Variants in SMYD3 observed in about 807,000 individuals in gnomAD.
The protein encoded by SMYD3 is SET and MYND domain containing 3.
Under a neutral mutation model 57.7 loss-of-function variants are expected in SMYD3, and 36 were observed. That is an observed-to-expected ratio of 0.62 (90% confidence interval 0.48 to 0.82). The LOEUF (loss-of-function observed/expected upper bound fraction) is 0.82, where lower values mean the gene tolerates loss of function less well. SMYD3 is among the 40% of genes least tolerant of loss of function. The pLI is 0.00. For missense variants in SMYD3, 515 were observed against 538.8 expected (o/e 0.96, Z 0.44); for synonymous variants, 211 against 195.0 (o/e 1.08, Z -0.68).
At chr1:246,146,559 G>A (rs540614194) in intron 5 of SMYD3, among the ~76,000 whole-genome samples, 1 of 152,330 alleles carries the variant, frequency 6.6e-6, no homozygotes, top group East Asian at 1.9e-4. Flanking sequence ...AGGGTATGCA[G>A]ACCCGGTGCA....
chr1:245,822,861 A>G (rs2049253599), intron 10 of SMYD3, among the ~76,000 whole-genome samples: 1 of 152,098 alleles, frequency 6.6e-6, no homozygotes, highest in Admixed American at 6.6e-5. Flanking sequence ...CCTAGGAAAG[A>G]CTCTCTTCAA....
In SMYD3 at chr1:245,867,688, ACT is replaced by A. The variant is rs56269940; in HGVS notation, c.814-3804_814-3803del. Among the ~76,000 whole-genome samples, 210 of 149,554 alleles carry A rather than the reference ACT, an allele frequency of 1.4e-3. 2 individuals carry two copies. Among genetic ancestry groups the A allele is most frequent in the South Asian group, 5.9e-3 (28 of 4,778 alleles). On this transcript the variant is annotated intron_variant, in intron 8 of 11. Coordinates refer to ENST00000490107, the MANE Select transcript of SMYD3 (RefSeq NM_001167740.2). ...CGCGCGCACACACACACACACACAC[ACT>A]CACACACACATTTTGTTGGGAGAAA...
chr1:246,367,712 G>A (rs994115857), intron 1 of SMYD3, among the ~76,000 whole-genome samples: 4 of 152,206 alleles, frequency 2.6e-5, no homozygotes, highest in Admixed American at 6.5e-5. Flanking sequence ...GATTACAGGC[G>A]TGAGCCACCA....
chr1:245,956,481 T>A (rs1344253396), intron 5 of SMYD3, among the ~76,000 whole-genome samples: 1 of 152,170 alleles, frequency 6.6e-6, no homozygotes, highest in Non-Finnish European at 1.5e-5. Flanking sequence ...ACGTGTTGGG[T>A]GCCTACCCCT....
At chr1:245,843,232 C>T (rs547873947) in intron 10 of SMYD3, among the ~76,000 whole-genome samples, 6 of 152,164 alleles carry the variant, frequency 3.9e-5, no homozygotes, top group Non-Finnish European at 5.9e-5. Flanking sequence ...CACACACTTA[C>T]GAGCCCACTG....
rs184121882 is a variant in SMYD3 at position 246,086,274 on chromosome 1, C to T, written c.532-156337G>A. ...AACTGCTACTAGGTTAGCTGAATTC[C>T]GAAGCTAACGCACTGTTTCACCTGC... On this transcript the variant is annotated intron_variant, in intron 5 of 11. Coordinates refer to ENST00000490107, the MANE Select transcript of SMYD3 (RefSeq NM_001167740.2). 6.1e-5 allele frequency among the ~76,000 whole-genome samples: 9 copies of T among 146,656 alleles called. No individual in the cohort carries two copies. The East Asian group carries it at 1.8e-3, about 29-fold the overall frequency.
chr1:246,185,546 C>T (rs2062623253), intron 5 of SMYD3, among the ~76,000 whole-genome samples: 1 of 150,240 alleles, frequency 6.7e-6, no homozygotes, highest in South Asian at 2.1e-4. Flanking sequence ...ACTGCAAGCT[C>T]CGCCTCCCGG....
At chr1:245,974,481 G>GTA (rs1360647494) in intron 5 of SMYD3, among the ~76,000 whole-genome samples, 15,867 of 139,384 alleles carry the variant, frequency 0.11, 1,221 homozygotes, top group East Asian at 0.19. Context: ...CATCGTCTCC[G>GTA]GCCCAGGGAA....
At chr1:245,842,441 TTTTCA>T (rs57108853) in intron 10 of SMYD3, among the ~76,000 whole-genome samples, 62,553 of 151,682 alleles carry the variant, frequency 0.41, 14,355 homozygotes, top group East Asian at 0.86. Context: ...CAGGATTCTC[TTTTCA>T]TTTCAAGTCA....
intron 1 of SMYD3, among the ~76,000 whole-genome samples, chr1:246,386,020 C>A (rs1009348433): frequency 6.6e-6 from 1 of 152,112 alleles, no homozygotes; most frequent in Non-Finnish European, 1.5e-5. Context: ...TCCCAAGTAG[C>A]TGGGACTACA....
intron 1 of SMYD3, among the ~76,000 whole-genome samples, chr1:246,490,612 C>A (rs1448135619): frequency 4.6e-5 from 7 of 152,190 alleles, no homozygotes; most frequent in Non-Finnish European, 8.8e-5. Context: ...ATGGCTCACA[C>A]CTATACTCCC....
chr1:245,795,098 T>A (rs2047465541), intron 10 of SMYD3, among the ~76,000 whole-genome samples: 1 of 152,208 alleles, frequency 6.6e-6, no homozygotes, highest in Non-Finnish European at 1.5e-5. Flanking sequence ...TCCATTTGCA[T>A]CCTACCCCCA....
At chr1:245,790,996 T>G (rs960422897) in intron 10 of SMYD3, among the ~76,000 whole-genome samples, 15 of 152,140 alleles carry the variant, frequency 9.9e-5, no homozygotes, top group African/African-American at 3.6e-4. Context: ...TGACTGTGGA[T>G]GTGAATTTGG....
intron 10 of SMYD3, among the ~76,000 whole-genome samples, chr1:245,771,658 TCA>T (rs2046343540): frequency 1.3e-5 from 2 of 152,216 alleles, no homozygotes; most frequent in African/African-American, 4.8e-5. Flanking sequence ...ATGTAGAAAC[TCA>T]GTGTCATATG....
intron 5 of SMYD3, among the ~76,000 whole-genome samples, chr1:246,006,139 C>G (rs1022402006): frequency 2.6e-5 from 4 of 152,154 alleles, no homozygotes; most frequent in African/African-American, 9.7e-5. Flanking sequence ...AAAGCACAAC[C>G]ACGTCCTGAC....
At chr1:245,804,861 T>C (rs6684139) in intron 10 of SMYD3, among the ~76,000 whole-genome samples, 3,888 of 152,304 alleles carry the variant, frequency 0.026, 141 homozygotes, top group African/African-American at 0.084. Context: ...CCTCTCCAAC[T>C]GTGCTGAGTA....
At chr1:246,344,187 T>C (rs1415249590) in intron 2 of SMYD3, among the ~76,000 whole-genome samples, 1 of 152,094 alleles carries the variant, frequency 6.6e-6, no homozygotes, top group African/African-American at 2.4e-5. Context: ...CCAGCTTTGA[T>C]AAGTTATGAC....
chr1:246,058,444 T>C (rs1384571362), intron 5 of SMYD3, among the ~76,000 whole-genome samples: 5 of 152,366 alleles, frequency 3.3e-5, no homozygotes, highest in Admixed American at 1.3e-4. Flanking sequence ...TGGTGGAAAC[T>C]ATGAATGATG....
chr1:245,964,305 G>T (rs1558539496), intron 5 of SMYD3, among the ~76,000 whole-genome samples: 2 of 152,136 alleles, frequency 1.3e-5, no homozygotes, highest in African/African-American at 4.8e-5. Context: ...CAACACTGGG[G>T]GTCATATTTC....
Sources: gnomAD v4.1 joint callset for allele counts (sites outside exome capture counted in the v4.1 genomes callset) on GRCh38, gnomAD v4.1.1 for gene constraint, MANE v1.5 for transcripts, NCBI Gene and HGNC (gene_info 2026-07-23, HGNC 2026-07-21) for gene names.